Variants in MYO1D observed in about 807,000 individuals in gnomAD.
MYO1D encodes myosin ID.
MYO1D carries 83 observed loss-of-function variants against 122.0 expected under a neutral mutation model. The observed-to-expected ratio is 0.68, with a 90% CI of 0.57 to 0.82. The LOEUF (loss-of-function observed/expected upper bound fraction) is 0.82, where lower values mean the gene tolerates loss of function less well. Among genes scored for constraint, MYO1D ranks in the 40% least tolerant of loss-of-function variants. The probability of loss-of-function intolerance (pLI) is 0.00; values close to 1 mark genes in which losing one functional copy is unlikely to be tolerated. For synonymous variants in MYO1D, 464 were observed against 446.9 expected, an observed-to-expected ratio of 1.04 and a Z score of -0.48; for missense variants, 1,157 against 1,269.5, an observed-to-expected ratio of 0.91 and a Z score of 1.35.
intron 16 of MYO1D, among the ~76,000 whole-genome samples, chr17:32,684,645 G>A (rs1279205238): frequency 6.6e-6 from 1 of 152,166 alleles, no homozygotes; most frequent in Non-Finnish European, 1.5e-5. Flanking sequence ...TTACACAACT[G>A]TGAGGATGAG....
rs757145678 is a variant in MYO1D, at chr17:32,659,247, G to A, written c.2213C>T (p.Ser738Leu). 3.1e-6 allele frequency: 5 copies of A among 1,614,202 alleles called. No homozygotes were observed. The highest frequency in any genetic ancestry group is 4.2e-6 in the Non-Finnish European group (5 of 1,180,030). Residue 738 changes from serine to leucine, a missense_variant, in exon 17 of 22, where the codon TCG becomes TTG. Coordinates refer to ENST00000318217, the MANE Select transcript of MYO1D (RefSeq NM_015194.3). Reference protein sequence around the residue: ...IRYYRRYKVKSYIHEVARRFH... With the variant: ...IRYYRRYKVKLYIHEVARRFH... ...GCGTCTGGCCACCTCGTGGATGTAC[G>A]ACTTCACTTTGTAGCGCCGGTAGTA...
intron 20 of MYO1D, among the ~76,000 whole-genome samples, chr17:32,635,736 C>T (rs972114324): frequency 1.2e-4 from 19 of 152,050 alleles, no homozygotes; most frequent in South Asian, 4.2e-4. Context: ...AGACAGAATG[C>T]GCTTACAGTC....
chr17:32,649,969 A>G (rs913058755), intron 19 of MYO1D, among the ~76,000 whole-genome samples: 1 of 152,232 alleles, frequency 6.6e-6, no homozygotes, highest in African/African-American at 2.4e-5. Flanking sequence ...ACATTGGTAT[A>G]TAGTCAATTA....
At chr17:32,666,612 C>T (rs180687288) in intron 16 of MYO1D, among the ~76,000 whole-genome samples, 175 of 152,316 alleles carry the variant, frequency 1.1e-3, no homozygotes, top group Admixed American at 2.2e-3. Context: ...CTAGGTTGCA[C>T]TCTATTAAGA....
intron 1 of MYO1D, among the ~76,000 whole-genome samples, chr17:32,869,537 C>G (rs983801145): frequency 6.6e-6 from 1 of 152,128 alleles, no homozygotes; most frequent in Non-Finnish European, 1.5e-5. Context: ...AGTGGCAGCA[C>G]CACAAATGGG....
At chr17:32,676,911 C>T (rs934200863) in intron 16 of MYO1D, among the ~76,000 whole-genome samples, 5 of 151,872 alleles carry the variant, frequency 3.3e-5, no homozygotes, top group Admixed American at 6.6e-5. Context: ...CCCAGGTTCA[C>T]GCCATTCTCC....
chr17:32,717,284 C>A (rs566713556), intron 15 of MYO1D, among the ~76,000 whole-genome samples: 11 of 152,334 alleles, frequency 7.2e-5, no homozygotes, highest in African/African-American at 2.6e-4. Flanking sequence ...TCTAGTTAAT[C>A]ACGGTCTATA....
chr17:32,522,639 G>A (rs1016027337), intron 21 of MYO1D, among the ~76,000 whole-genome samples: 1 of 152,134 alleles, frequency 6.6e-6, no homozygotes, highest in Non-Finnish European at 1.5e-5. Context: ...GCAGGAGGGT[G>A]AGCTAAGGGG....
intron 14 of MYO1D, among the ~76,000 whole-genome samples, chr17:32,729,070 C>T (rs1419820900): frequency 6.6e-6 from 1 of 152,120 alleles, no homozygotes; most frequent in East Asian, 1.9e-4. Flanking sequence ...CTAAGAAATC[C>T]TAAATTTGGC....
intron 1 of MYO1D, among the ~76,000 whole-genome samples, chr17:32,800,157 C>T (rs1418426052): frequency 6.6e-6 from 1 of 152,098 alleles, no homozygotes; most frequent in Non-Finnish European, 1.5e-5. Flanking sequence ...ACAGAATTAC[C>T]TTATGATCCA....
chr17:32,519,740 T>C (rs537716387), intron 21 of MYO1D, among the ~76,000 whole-genome samples: 1 of 152,126 alleles, frequency 6.6e-6, no homozygotes, highest in Admixed American at 6.5e-5. Flanking sequence ...GCTTAGATCA[T>C]CTGCTGGCAT....
At chr17:32,749,358 AGG>A (rs1276237969) in intron 11 of MYO1D, among the ~76,000 whole-genome samples, 2 of 152,206 alleles carry the variant, frequency 1.3e-5, no homozygotes, top group Non-Finnish European at 2.9e-5. Flanking sequence ...GTAGTCCCTA[AGG>A]CATGGAATAG....
intron 1 of MYO1D, among the ~76,000 whole-genome samples, chr17:32,804,393 T>C (rs1211040902): frequency 2.0e-5 from 3 of 152,198 alleles, no homozygotes; most frequent in East Asian, 1.9e-4. Context: ...AGGGTTTACT[T>C]TGGAGTTTAC....
intron 1 of MYO1D, among the ~76,000 whole-genome samples, chr17:32,848,518 C>G (rs1437545156): frequency 1.3e-5 from 2 of 152,112 alleles, no homozygotes; most frequent in African/African-American, 4.8e-5. Flanking sequence ...CTTATGAAAA[C>G]AAGTAGTTCT....
intron 20 of MYO1D, among the ~76,000 whole-genome samples, chr17:32,627,567 C>G (rs921631793): frequency 2.0e-5 from 3 of 152,264 alleles, no homozygotes; most frequent in Non-Finnish European, 4.4e-5. Context: ...CTTTACAAAA[C>G]AGTCACATCG....
intron 6 of MYO1D, among the ~76,000 whole-genome samples, chr17:32,770,123 G>A (rs1306836938): frequency 6.6e-6 from 1 of 152,078 alleles, no homozygotes; most frequent in African/African-American, 2.4e-5. Context: ...TAAAGTTGTT[G>A]TAACCTAAAT....
chr17:32,721,251 T>A, intron 14 of MYO1D, 62 bp from the exon 15 acceptor site: 1 of 1,459,944 alleles, frequency 6.8e-7, no homozygotes, highest in Non-Finnish European at 9.5e-7. Flanking sequence ...CTAGGGACAC[T>A]AACATGTAAT....
intron 1 of MYO1D, among the ~76,000 whole-genome samples, chr17:32,820,623 T>A (rs2090652769): frequency 6.6e-6 from 1 of 152,150 alleles, no homozygotes; most frequent in Admixed American, 6.5e-5. Context: ...CATAACCTCA[T>A]ACAATTATGA....
intron 21 of MYO1D, among the ~76,000 whole-genome samples, chr17:32,521,763 C>A (rs774478964): frequency 2.0e-4 from 30 of 151,986 alleles, no homozygotes; most frequent in Non-Finnish European, 3.4e-4. Flanking sequence ...GCCTGACTAA[C>A]ATGGTGAAAA....
Sources: gnomAD v4.1 joint callset for allele counts (sites outside exome capture counted in the v4.1 genomes callset) on GRCh38, gnomAD v4.1.1 for gene constraint, MANE v1.5 for transcripts, NCBI Gene and HGNC (gene_info 2026-07-23, HGNC 2026-07-21) for gene names.